The following RTP5 variants were observed in gnomAD, a reference collection of about 807,000 sequenced individuals.
The protein encoded by RTP5 is receptor-transporting protein 5.
A neutral mutation model predicts 23.5 loss-of-function variants in RTP5; 30 were observed. That is an observed-to-expected ratio of 1.27 (90% CI 0.95 to 1.73). The LOEUF is 1.73. Ranked by LOEUF, RTP5 falls within the 40% of genes most tolerant of loss-of-function variation. RTP5 has a pLI of 0.00. For synonymous variants in RTP5, 354 were observed against 342.1 expected, an observed-to-expected ratio of 1.03 and a Z score of -0.38; for missense variants, 807 against 784.2, an observed-to-expected ratio of 1.03 and a Z score of -0.35.
In RTP5 at chr2:241,871,824, G is replaced by A; in HGVS notation, c.269G>A (p.Trp90Ter). The A allele has an allele frequency of 6.4e-7, 1 of 1,559,330 alleles. No homozygotes were observed. ...CGGGGGCTGGTGAAGATGCGCATCT[G>A]GGGCCAGCGGTGCAGGCTGTGCCCC... ...SHRGLVKMRI[W>*]GQRCRLCPAP... Residue 90 changes from tryptophan to a stop codon, truncating the protein, a stop_gained, in exon 2 of 2, where the codon TGG (tryptophan) becomes TAG (stop). Coordinates refer to ENST00000343216, the MANE Select transcript of RTP5 (RefSeq NM_173821.3). LOFTEE classifies it low-confidence loss of function (END_TRUNC).
rs1701279311 is a variant in RTP5, at chr2:241,869,731, C to T, written c.-26C>T. 1 of 1,483,442 alleles carries T rather than the reference C, an allele frequency of 6.7e-7. No homozygotes were observed. Among genetic ancestry groups the T allele is most frequent in the Non-Finnish European group, 8.9e-7 (1 of 1,120,544 alleles). 91.9% of individuals were successfully genotyped at this position (1,483,442 alleles called of 1,614,324 possible). On this transcript the variant is annotated 5_prime_UTR_variant, in exon 1 of 2. Transcript: ENST00000343216. ...GGCCCCCGGCGGGCGCAGCCCTCAG[C>T]CCACACTGCGGAGCCAGGCGGCAGC...
rs942126994 is a variant in RTP5, at chr2:241,871,748, T to G, written c.193T>G (p.Ser65Ala). The G allele has an allele frequency of 3.1e-6, 5 of 1,603,670 alleles. No individual in the cohort carries two copies. Among genetic ancestry groups the G allele is most frequent in the Non-Finnish European group, 4.3e-6 (5 of 1,175,970 alleles). Residue 65 changes from serine (S) to alanine (A), a missense_variant, in exon 2 of 2, where the codon TCG becomes GCG. By Grantham distance (99) the Ser-to-Ala change is moderately conservative. Transcript: ENST00000343216. The stretch of plus-strand genomic sequence containing the variant: ...CGGTCACTGTCCGGGGACCTGGGAC[T>G]CGGCCCATGTGCACGTCCTCTTCCA... ...QCGHCPGTWD[S>A]AHVHVLFHLW...
At position 241,872,747 on chromosome 2, in the gene RTP5, G is replaced by A. The variant is rs747609961; in HGVS notation, c.1192G>A (p.Val398Ile). The A allele has an allele frequency of 1.1e-5, 18 of 1,595,682 alleles. No homozygotes were observed. Among genetic ancestry groups the A allele is most frequent in the Admixed American group, 1.7e-5 (1 of 58,268 alleles). ...GAAGGAAGGAGGCGGCCAGGGCCTC[G>A]TCCCAGTGGGTCACGACGCCCTGCC... ...NGKEGGGQGL[V>I]PVGHDALPET... is the part of the protein sequence containing the mutation. The change falls in exon 2 of 2, where the codon GTC becomes ATC. Residue 398 changes from valine (V) to isoleucine (I), a missense_variant. Coordinates refer to ENST00000343216, the MANE Select transcript of RTP5 (RefSeq NM_173821.3).
chr2:241,872,374 C>G lies in RTP5; in HGVS notation c.819C>G (p.Pro273=). ...TTGGAGACCCCCTCTTCCACGGCCC[C>G]GGCCTCCTCGGCAGCAGCATCCAGA... is the stretch of plus-strand genomic sequence containing the variant. ...VAIGDPLFHG[P]GLLGSSIQTF... Residue 273 remains proline, a synonymous_variant, in exon 2 of 2, where the codon CCC becomes CCG. Coordinates refer to ENST00000343216, the MANE Select transcript of RTP5 (RefSeq NM_173821.3). 1 of 1,612,288 alleles carries G rather than the reference C, an allele frequency of 6.2e-7. No homozygotes were observed. The highest frequency in any genetic ancestry group is 2.2e-5 in the East Asian group (1 of 44,878).
intron 1 of RTP5, 148 bp downstream of exon 1, chr2:241,870,062 C>G: frequency 1.2e-6 from 1 of 847,722 alleles, no homozygotes; most frequent in Non-Finnish European, 1.7e-6. Flanking sequence ...CTCCTTCTCC[C>G]GCCGGAGCCC....
At chr2:241,871,685 A>G (rs994514621) in intron 1 of RTP5, 29 bp from the exon 2 acceptor site, 2 of 1,561,816 alleles carry the variant, frequency 1.3e-6, no homozygotes, top group African/African-American at 1.4e-5. Context: ...TTTCTCCTGC[A>G]CTCACACACA....
In RTP5 at chr2:241,872,993, G is replaced by T; in HGVS notation, c.1438G>T (p.Asp480Tyr). 1 of 1,613,174 alleles carries T rather than the reference G, an allele frequency of 6.2e-7. No individual in the cohort carries two copies. Among genetic ancestry groups the T allele is most frequent in the Non-Finnish European group, 8.5e-7 (1 of 1,180,010 alleles). ...CATCACCATCCCCTTCGCAGTCTTC[G>T]ATGTCATAAAGCGCAAGGGCGGTGG... Reference protein sequence around the residue: ...GCITIPFAVFDVIKRKGGGHV... With the variant: ...GCITIPFAVFYVIKRKGGGHV... Residue 480 changes from aspartate (D) to tyrosine (Y), a missense_variant, in exon 2 of 2, where the codon GAT (aspartate) becomes TAT (tyrosine). Coordinates refer to ENST00000343216, the MANE Select transcript of RTP5 (RefSeq NM_173821.3).
In RTP5 at chr2:241,873,516, C is replaced by T; in HGVS notation, c.*242C>T. 2.9e-6 allele frequency: 1 copy of T among 347,932 alleles called. No individual in the cohort carries two copies. Among genetic ancestry groups the T allele is most frequent in the Non-Finnish European group, 4.6e-6 (1 of 219,070 alleles). 21.6% of individuals were successfully genotyped at this position (347,932 alleles called of 1,614,324 possible). Reference sequence around the variant, plus strand: ...CCCCACCTTTGAGATGCCCGCCCCGCCTCCGTGGCCCCGCCTCCACCTCCG... The same window carrying T: ...CCCCACCTTTGAGATGCCCGCCCCGTCTCCGTGGCCCCGCCTCCACCTCCG... On this transcript the variant is annotated 3_prime_UTR_variant, in exon 2 of 2. Transcript: ENST00000343216.
In RTP5 at chr2:241,873,280, C is replaced by T. The variant is rs199787313; in HGVS notation, c.*6C>T. On this transcript the variant is annotated 3_prime_UTR_variant, in exon 2 of 2. Transcript: ENST00000343216. ...TCTACCCGCAGCAAGTGTGACGCCC[C>T]GAAGTTCAGGCAACCCTCGCCTCTG... 9.7e-5 allele frequency: 151 copies of T among 1,564,312 alleles called. No individual in the cohort carries two copies. The highest frequency in any genetic ancestry group is 1.2e-4 in the Non-Finnish European group (138 of 1,157,652).
chr2:241,871,146 G>T (rs1172298156), intron 1 of RTP5: 3 of 447,732 alleles, frequency 6.7e-6, no homozygotes, highest in African/African-American at 2.0e-5. Flanking sequence ...GCAGGCCTCC[G>T]TGACATCCTT....
In RTP5 at chr2:241,872,007, T is replaced by A; in HGVS notation, c.452T>A (p.Val151Asp). ...TGCTGTGAGGCCTGTGAGCTGGGGG[T>A]CTGCTTCCTCCAGAAGGCCCCAGAC... ...EGCCEACELGVCFLQKAPDPA... is the reference protein window; with the variant it reads ...EGCCEACELGDCFLQKAPDPA... The change falls in exon 2 of 2, where the codon GTC becomes GAC. Residue 151 changes from valine (V) to aspartate (D), a missense_variant. Val to Asp is a radical substitution (Grantham distance 152). Coordinates refer to ENST00000343216, the MANE Select transcript of RTP5 (RefSeq NM_173821.3). 1 of 1,575,314 alleles carries A rather than the reference T, an allele frequency of 6.3e-7. No individual in the cohort carries two copies. The highest frequency in any genetic ancestry group is 8.6e-7 in the Non-Finnish European group (1 of 1,158,316).
Position 241,873,312 on chromosome 2 carries a change from C to G in RTP5, c.*38C>G. On this transcript the variant is annotated 3_prime_UTR_variant, in exon 2 of 2. Coordinates refer to ENST00000343216, the MANE Select transcript of RTP5 (RefSeq NM_173821.3). ...CAGGCAACCCTCGCCTCTGGGACCC[C>G]GCCTCGCCTCTGAGACACCCCCCAA... The G allele has an allele frequency of 2.0e-6, 3 of 1,534,764 alleles. No homozygotes were observed. The highest frequency in any genetic ancestry group is 2.6e-6 in the Non-Finnish European group (3 of 1,143,738).
intron 1 of RTP5, 41 bp downstream of exon 1, chr2:241,869,955 T>TG: frequency 7.0e-7 from 1 of 1,432,914 alleles, no homozygotes; most frequent in Non-Finnish European, 9.1e-7. Context: ...GGCAGGGGGC[T>TG]GAAGGTGCTT....
Position 241,872,890 on chromosome 2 carries a change from A to G in RTP5, c.1335A>G (p.Glu445=), listed in dbSNP as rs1701353466. 6.2e-7 allele frequency: 1 copy of G among 1,612,726 alleles called. No individual in the cohort carries two copies. The highest frequency in any genetic ancestry group is 1.3e-5 in the African/African-American group (1 of 74,922). ...FTDITEGKEK[E]GGLVTAGHDA... ...ACATCACTGAAGGCAAAGAGAAGGA[A>G]GGTGGCCTGGTCACCGCGGGTCACG... is the stretch of plus-strand genomic sequence containing the variant. The change falls in exon 2 of 2, where the codon GAA becomes GAG. Residue 445 remains glutamate, a synonymous_variant. Transcript: ENST00000343216.
At chr2:241,870,732 G>T (rs1040830888) in intron 1 of RTP5, among the ~76,000 whole-genome samples, 2 of 152,254 alleles carry the variant, frequency 1.3e-5, no homozygotes, top group African/African-American at 4.8e-5. Context: ...GCCAGGTGGA[G>T]ATGGCTCTGA....
chr2:241,869,869 G>C lies in RTP5; in HGVS notation c.113G>C (p.Cys38Ser), dbSNP rs1701282594. Residue 38 changes from cysteine to serine, a missense_variant, in exon 1 of 2, where the codon TGC becomes TCC. Coordinates refer to ENST00000343216, the MANE Select transcript of RTP5 (RefSeq NM_173821.3). ...LLPEHSLVPG[C>S]LDGGGVQYLL... ...CCTGAGCACAGCCTGGTCCCGGGAT[G>C]CCTGGACGGCGGTGGTGTCCAGTAC... 1 of 1,587,296 alleles carries C rather than the reference G, an allele frequency of 6.3e-7. No individual in the cohort carries two copies. The highest frequency in any genetic ancestry group is 8.6e-7 in the Non-Finnish European group (1 of 1,168,870).
At chr2:241,870,081 C>A (rs1326086463) in intron 1 of RTP5, among the ~76,000 whole-genome samples, 167 bp downstream of exon 1, 1 of 152,200 alleles carries the variant, frequency 6.6e-6, no homozygotes. Context: ...CCCTGCCTCG[C>A]CATGCTGGGC....
chr2:241,870,016 CGTCTT>C, intron 1 of RTP5, 102 bp downstream of exon 1: 1 of 871,772 alleles, frequency 1.1e-6, no homozygotes. Context: ...TGTTGGGCCT[CGTCTT>C]GTCCCCGAGA....
In RTP5 at chr2:241,871,757, G is replaced by A. The variant is rs929870564; in HGVS notation, c.202G>A (p.Val68Met). The A allele has an allele frequency of 6.2e-7, 1 of 1,601,680 alleles. No individual in the cohort carries two copies. The highest frequency in any genetic ancestry group is 8.5e-7 in the Non-Finnish European group (1 of 1,175,066). Residue 68 changes from valine to methionine, a missense_variant, in exon 2 of 2, where the codon GTG becomes ATG. Val to Met is a conservative substitution (Grantham distance 21). Transcript: ENST00000343216. ...TCCGGGGACCTGGGACTCGGCCCAT[G>A]TGCACGTCCTCTTCCACCTGTGGTG... ...HCPGTWDSAH[V>M]HVLFHLWWDR...
Sources: gnomAD v4.1 joint callset for allele counts (sites outside exome capture counted in the v4.1 genomes callset) on GRCh38, gnomAD v4.1.1 for gene constraint, MANE v1.5 for transcripts, NCBI Gene and HGNC (gene_info 2026-07-23, HGNC 2026-07-21) for gene names.